Variants in KLF8 observed in about 807,000 individuals in gnomAD.
KLF8 encodes the protein Krueppel-like factor 8.
Under a neutral mutation model 18.2 loss-of-function variants are expected in KLF8, and 10 were observed. The ratio of observed to expected loss-of-function variants is 0.55; its 90% CI spans 0.34 to 0.93. The LOEUF (loss-of-function observed/expected upper bound fraction) is 0.93, where lower values mean the gene tolerates loss of function less well. KLF8 is among the 40% of genes least tolerant of loss of function. The pLI is 0.02. For synonymous variants in KLF8, 109 were observed against 97.3 expected (o/e 1.12, Z -0.71); for missense variants, 264 against 277.9 (o/e 0.95, Z 0.36).
chrX:56,125,446 C>T, the KLF8 span, among the ~76,000 whole-genome samples: 143 of 112,024 alleles, frequency 1.3e-3, no homozygotes, highest in African/African-American at 4.5e-3. Context: ...CCATGTGTTC[C>T]AATCTACATG....
the KLF8 span, among the ~76,000 whole-genome samples, chrX:56,225,805 T>A: frequency 8.9e-6 from 1 of 112,333 alleles, no homozygotes; most frequent in Non-Finnish European, 1.9e-5. Context: ...AGTGGCGAAG[T>A]CAGTATTCAC....
chrX:56,013,852 T>C, the KLF8 span, among the ~76,000 whole-genome samples: 1 of 111,628 alleles, frequency 9.0e-6, no homozygotes, highest in African/African-American at 3.3e-5. Flanking sequence ...CAGTCTTGGG[T>C]ATGCCTTTAT....
chrX:56,058,308 A>ATATATG, the KLF8 span, among the ~76,000 whole-genome samples: 9 of 78,924 alleles, frequency 1.1e-4, no homozygotes, highest in South Asian at 5.6e-3. Context: ...ATATATATAT[A>ATATATG]TATATATATA....
chrX:55,922,402 G>A, the KLF8 span, among the ~76,000 whole-genome samples: 1 of 112,499 alleles, frequency 8.9e-6, no homozygotes, highest in Admixed American at 9.4e-5. Context: ...TATAATGGGA[G>A]GTGAACAATG....
chrX:55,975,603 C>A, the KLF8 span, among the ~76,000 whole-genome samples: 1 of 110,957 alleles, frequency 9.0e-6, no homozygotes, highest in Non-Finnish European at 1.9e-5. Flanking sequence ...TCTCATGTTT[C>A]GCAAAATAGT....
At chrX:55,920,777 A>G in the KLF8 span, among the ~76,000 whole-genome samples, 5 of 112,179 alleles carry the variant, frequency 4.5e-5, no homozygotes, top group East Asian at 2.8e-4. Flanking sequence ...GGACTATGTT[A>G]AATATCCAAA....
the KLF8 span, among the ~76,000 whole-genome samples, chrX:56,061,680 C>T: frequency 3.6e-5 from 4 of 111,136 alleles, no homozygotes; most frequent in East Asian, 2.8e-4. Context: ...TCTATTAGGT[C>T]GGCTTGGTCC....
chrX:55,930,118 C>T, the KLF8 span, among the ~76,000 whole-genome samples: 3 of 110,933 alleles, frequency 2.7e-5, no homozygotes, highest in African/African-American at 9.8e-5. Context: ...AGTTGGATTC[C>T]TACGTTTTTT....
chrX:56,029,953 C>T, the KLF8 span, among the ~76,000 whole-genome samples: 12 of 111,986 alleles, frequency 1.1e-4, no homozygotes, highest in East Asian at 8.4e-4. Context: ...CCAGTAACTG[C>T]GAGATATTCA....
chrX:56,215,623 G>A, the KLF8 span, among the ~76,000 whole-genome samples: 1 of 107,763 alleles, frequency 9.3e-6, no homozygotes, highest in African/African-American at 3.4e-5. Context: ...AGGAGTTCAA[G>A]ACCAGCCTGG....
the KLF8 span, among the ~76,000 whole-genome samples, chrX:55,997,197 C>G: frequency 8.9e-6 from 1 of 111,935 alleles, no homozygotes; most frequent in Non-Finnish European, 1.9e-5. Context: ...CAGCTCTATC[C>G]CACTGGTGAG....
At chrX:56,113,199 GA>G in the KLF8 span, among the ~76,000 whole-genome samples, 2,100 of 70,884 alleles carry the variant, frequency 0.03, 19 homozygotes, top group Non-Finnish European at 0.034. Flanking sequence ...CTCCATCTCA[GA>G]AAAAAAAAAA....
the KLF8 span, among the ~76,000 whole-genome samples, chrX:56,111,142 G>A: frequency 2.7e-5 from 3 of 111,767 alleles, no homozygotes; most frequent in Admixed American, 9.4e-5. Context: ...TTTTGAATAA[G>A]TCAGCCTACT....
the KLF8 span, among the ~76,000 whole-genome samples, chrX:55,922,685 A>G: frequency 8.9e-6 from 1 of 112,827 alleles, no homozygotes; most frequent in African/African-American, 3.2e-5. Context: ...ACACTTCTCA[A>G]AAGAGGATAT....
the KLF8 span, among the ~76,000 whole-genome samples, chrX:56,169,196 C>T: frequency 9.0e-6 from 1 of 111,222 alleles, no homozygotes; most frequent in Non-Finnish European, 1.9e-5. Flanking sequence ...GAGGTAATAC[C>T]CAGGTAGTAA....
chrX:56,229,545 C>T (rs1198141662), upstream of KLF8, among the ~76,000 whole-genome samples: 3 of 111,971 alleles, frequency 2.7e-5, no homozygotes, highest in Non-Finnish European at 1.9e-5. Context: ...CACACCCTTT[C>T]GTGTGACATA....
At chrX:56,182,314 G>A in the KLF8 span, among the ~76,000 whole-genome samples, 1 of 112,185 alleles carries the variant, frequency 8.9e-6, no homozygotes, top group Admixed American at 9.5e-5. Flanking sequence ...AGCTCCATGA[G>A]GTCATTTAAG....
the KLF8 span, among the ~76,000 whole-genome samples, chrX:56,127,903 A>G: frequency 2.7e-5 from 3 of 111,952 alleles, no homozygotes; most frequent in African/African-American, 9.7e-5. Context: ...AAGAAATAAT[A>G]TAACTATACA....
At chrX:56,103,976 G>T in the KLF8 span, among the ~76,000 whole-genome samples, 1 of 111,539 alleles carries the variant, frequency 9.0e-6, no homozygotes, top group Admixed American at 9.5e-5. Flanking sequence ...TAACCATGTG[G>T]TTTTTGTCTT....
Sources: allele counts gnomAD v4.1 joint callset (sites outside exome capture counted in the v4.1 genomes callset), GRCh38; gene constraint gnomAD v4.1.1; transcripts MANE v1.5; gene names NCBI Gene and HGNC (gene_info 2026-07-23, HGNC 2026-07-21).